Variants in NLRP5 observed in about 807,000 individuals in gnomAD.
NLRP5 encodes NLR family pyrin domain containing 5, also known as NACHT, LRR and PYD domains-containing protein 5.
In NLRP5, 93 loss-of-function variants were observed where a neutral mutation model predicts 113.1. That is an observed-to-expected ratio of 0.82 (90% CI 0.70 to 0.98). NLRP5 has a LOEUF of 0.98. Among genes scored for constraint, NLRP5 ranks in the 50% least tolerant of loss-of-function variants. The pLI is 0.00. For missense variants in NLRP5, 1,808 were observed against 1,514.3 expected (o/e 1.19, Z -3.22); for synonymous variants, 751 against 600.7 (o/e 1.25, Z -3.66).
intron 11 of NLRP5, among the ~76,000 whole-genome samples, chr19:56,048,656 C>T (rs895093789): frequency 1.3e-5 from 2 of 152,038 alleles, no homozygotes; most frequent in African/African-American, 4.8e-5. Flanking sequence ...AGATTCTTTC[C>T]TTCATCTTAA....
intron 13 of NLRP5, among the ~76,000 whole-genome samples, chr19:56,054,636 T>A (rs1368154503): frequency 6.7e-6 from 1 of 148,942 alleles, no homozygotes; most frequent in Non-Finnish European, 1.5e-5. Flanking sequence ...TCGTGCTGAG[T>A]GAAAGAAGCC....
At position 56,058,045 on chromosome 19, in the gene NLRP5, G is replaced by A. The variant is rs368883811; in HGVS notation, c.3300-195G>A. Among the ~76,000 whole-genome samples the A allele has an allele frequency of 5.1e-3, 683 of 133,994 alleles. 4 individuals are homozygous for A. Among genetic ancestry groups the A allele is most frequent in the African/African-American group, 0.018 (625 of 35,320 alleles). The allele number at this position is 133,994 out of a possible 152,430, so 87.9% of individuals were successfully genotyped here. A position where few individuals can be genotyped will look rare whatever the true frequency, so the allele number is the denominator to read the frequency against. ...TGCTATCTCAAAAAAAAAAAAAAAA[G>A]GCGAATATTTGGGTCTTTCATCAGA... On this transcript the variant is annotated intron_variant, in intron 13 of 14. Transcript: ENST00000390649.
At chr19:56,028,884 G>A (rs1982984095) in intron 7 of NLRP5, among the ~76,000 whole-genome samples, 1 of 152,062 alleles carries the variant, frequency 6.6e-6, no homozygotes. Context: ...CCTGCCTCAG[G>A]CTGCCGAGGA....
rs1157010319 is a variant in NLRP5, at chr19:56,027,011, T to G, written c.778T>G (p.Trp260Gly). Residue 260 changes from tryptophan (W) to glycine (G), a missense_variant, in exon 7 of 15, where the codon TGG becomes GGG. Coordinates refer to ENST00000390649, the MANE Select transcript of NLRP5 (RefSeq NM_153447.4). Reference sequence around the variant, plus strand: ...TAGTTTTGAAAACACTGCTGCTGACTGGCCGGAAATGCAAACGTTGGCTGG... The same window carrying G: ...TAGTTTTGAAAACACTGCTGCTGACGGGCCGGAAATGCAAACGTTGGCTGG... The G allele has an allele frequency of 6.4e-7, 1 of 1,551,986 alleles. No homozygotes were observed. Among genetic ancestry groups the G allele is most frequent in the Non-Finnish European group, 8.7e-7 (1 of 1,147,120 alleles).
In NLRP5 at chr19:56,019,006, G is replaced by C. The variant is rs550030888; in HGVS notation, c.566-336G>C. ...AGATGGGGTTTCATCATATTGGTCA[G>C]GCTGGCCTCGAACCCCTGACCTCTG... On this transcript the variant is annotated intron_variant, in intron 4 of 14. Coordinates refer to ENST00000390649, the MANE Select transcript of NLRP5 (RefSeq NM_153447.4). 1.4e-4 allele frequency among the ~76,000 whole-genome samples: 22 copies of C among 151,854 alleles called. No homozygotes were observed. In the South Asian group the frequency reaches 4.6e-3, roughly 32 times the overall value.
intron 13 of NLRP5, among the ~76,000 whole-genome samples, chr19:56,054,949 C>T (rs539185495): frequency 6.7e-6 from 1 of 149,812 alleles, no homozygotes; most frequent in Admixed American, 6.7e-5. Context: ...AGGTCACATT[C>T]CTATTGTGTT....
intron 3 of NLRP5, among the ~76,000 whole-genome samples, chr19:56,011,082 G>A (rs1260364918): frequency 6.6e-6 from 1 of 151,928 alleles, no homozygotes; most frequent in African/African-American, 2.4e-5. Context: ...AGTCCAGGGG[G>A]GTTGAGGCTG....
At chr19:56,049,978 A>G (rs928909817) in intron 11 of NLRP5, among the ~76,000 whole-genome samples, 1 of 152,050 alleles carries the variant, frequency 6.6e-6, no homozygotes, top group African/African-American at 2.4e-5. Context: ...AGGTTCTGTC[A>G]GAGGGAAGGT....
chr19:55,987,802 A>G, the NLRP5 span: 5 of 1,585,808 alleles, frequency 3.2e-6, no homozygotes, highest in East Asian at 2.2e-5. Flanking sequence ...GCCTTCCTTT[A>G]CCTCCCTCCA....
rs549231223 is a variant in NLRP5 at position 56,052,839 on chromosome 19, T to C, written c.3129-799T>C. ...ACTTCTGTCCCCTTTTCTCTCCATC[T>C]TGGCTCTGTCAGAATCTTTCCAGTT... On this transcript the variant is annotated intron_variant, in intron 12 of 14. Coordinates refer to ENST00000390649, the MANE Select transcript of NLRP5 (RefSeq NM_153447.4). Among the ~76,000 whole-genome samples, 3 of 152,332 alleles carry C rather than the reference T, an allele frequency of 2.0e-5. No homozygotes were observed. The East Asian group carries it at 5.8e-4, about 29-fold the overall frequency.
upstream of NLRP5, among the ~76,000 whole-genome samples, chr19:55,998,739 T>C (rs1332774357): frequency 2.1e-5 from 3 of 145,476 alleles, no homozygotes; most frequent in Middle Eastern, 7.2e-3. Context: ...TGTGTATATA[T>C]ATATACACAC....
In NLRP5 at chr19:56,008,126, C is replaced by T. The variant is rs1221429710; in HGVS notation, c.443-662C>T. The stretch of plus-strand genomic sequence containing the variant: ...TGTATTTTTAGTAGAGACGGGGTTT[C>T]ACCATGTTAGCCAGGATGGTCTCGA... On this transcript the variant is annotated intron_variant, in intron 2 of 14. Coordinates refer to ENST00000390649, the MANE Select transcript of NLRP5 (RefSeq NM_153447.4). Among the ~76,000 whole-genome samples the T allele has an allele frequency of 2.0e-5, 3 of 150,532 alleles. No homozygotes were observed. The East Asian group carries it at 5.9e-4, about 30-fold the overall frequency.
At chr19:55,994,374 T>G in the NLRP5 span, among the ~76,000 whole-genome samples, 1 of 152,154 alleles carries the variant, frequency 6.6e-6, no homozygotes, top group African/African-American at 2.4e-5. Context: ...GATCATTATT[T>G]TGCAAATATT....
Position 56,061,758 on chromosome 19 carries a change from T to G in NLRP5, c.*230T>G, listed in dbSNP as rs887504680. ...GGACTCAGTATCTGTGAAATGTCCG[T>G]CATATCTCAGAGCATATAGAGGGAA... On this transcript the variant is annotated 3_prime_UTR_variant, in exon 15 of 15. Coordinates refer to ENST00000390649, the MANE Select transcript of NLRP5 (RefSeq NM_153447.4). The G allele has an allele frequency of 3.9e-6, 2 of 509,898 alleles. No individual in the cohort carries two copies. Among genetic ancestry groups the G allele is most frequent in the African/African-American group, 3.9e-5 (2 of 51,494 alleles). 31.6% of individuals were successfully genotyped at this position (509,898 alleles called of 1,614,324 possible). A position where few individuals can be genotyped will look rare whatever the true frequency, so the allele number is the denominator to read the frequency against.
At chr19:56,001,939 A>G (rs1036245689) in intron 1 of NLRP5, among the ~76,000 whole-genome samples, 8 of 152,204 alleles carry the variant, frequency 5.3e-5, no homozygotes, top group Non-Finnish European at 1.0e-4. Context: ...GCCAACCAGT[A>G]CTGGCTGTCA....
intron 1 of NLRP5, among the ~76,000 whole-genome samples, chr19:56,000,304 T>A (rs1251145483): frequency 6.6e-6 from 1 of 152,246 alleles, no homozygotes; most frequent in Non-Finnish European, 1.5e-5. Context: ...AGGATATTCA[T>A]GATAACATGT....
chr19:56,011,553 G>C (rs1200831994), intron 3 of NLRP5, among the ~76,000 whole-genome samples: 1 of 152,104 alleles, frequency 6.6e-6, no homozygotes, highest in African/African-American at 2.4e-5. Context: ...TCCGAAGTCA[G>C]CATCGTACGT....
chr19:55,997,259 C>T (rs1023311756), upstream of NLRP5, among the ~76,000 whole-genome samples: 31 of 151,704 alleles, frequency 2.0e-4, no homozygotes, highest in African/African-American at 7.3e-4. Context: ...TGGTTTTTGT[C>T]CTTCAGTCTG....
intron 2 of NLRP5, among the ~76,000 whole-genome samples, chr19:56,005,316 TAC>T (rs1455255940): frequency 4.1e-5 from 6 of 146,540 alleles, no homozygotes; most frequent in South Asian, 2.1e-4. Context: ...TATTTATATA[TAC>T]ACACATATTT....
Sources: allele counts gnomAD v4.1 joint callset (sites outside exome capture counted in the v4.1 genomes callset), GRCh38; gene constraint gnomAD v4.1.1; transcripts MANE v1.5; gene names NCBI Gene and HGNC (gene_info 2026-07-23, HGNC 2026-07-21).